TSHZ2: variants seen among roughly 807,000 people sequenced by gnomAD.
TSHZ2 encodes the protein teashirt zinc finger homeobox 2.
In TSHZ2, 21 loss-of-function variants were observed where a neutral mutation model predicts 74.4. That is an observed-to-expected ratio of 0.28 (90% CI 0.20 to 0.41). The LOEUF is 0.41. TSHZ2 is among the 10% of genes least tolerant of loss of function. The pLI, the probability that TSHZ2 is intolerant of heterozygous loss-of-function variation, is 1.00. For missense variants in TSHZ2, 1,244 were observed against 1,293.5 expected (o/e 0.96, Z 0.59); for synonymous variants, 540 against 515.3 (o/e 1.05, Z -0.65).
intron 1 of TSHZ2, among the ~76,000 whole-genome samples, chr20:52,983,199 A>C (rs1044473246): frequency 2.0e-5 from 3 of 152,206 alleles, no homozygotes; most frequent in African/African-American, 7.2e-5. Context: ...CTCAGAAGCA[A>C]GTTTCCTCAC....
Position 53,170,182 on chromosome 20 carries a change from G to A in TSHZ2, c.41-83317G>A, listed in dbSNP as rs143031314. Among the ~76,000 whole-genome samples, 1,436 of 152,202 alleles carry A rather than the reference G, an allele frequency of 9.4e-3. 26 individuals are homozygous for A. Among genetic ancestry groups the A allele is most frequent in the African/African-American group, 0.032 (1,334 of 41,520 alleles). The stretch of plus-strand genomic sequence containing the variant: ...CCCCAAAGTCTAGACTTTGTCTTTC[G>A]ATTACACTGCTTTTCTAGGGCTATG... On this transcript the variant is annotated intron_variant, in intron 1 of 2. Transcript: ENST00000371497.
intron 1 of TSHZ2, among the ~76,000 whole-genome samples, chr20:53,055,902 G>A (rs1361458940): frequency 6.6e-6 from 1 of 152,180 alleles, no homozygotes; most frequent in Non-Finnish European, 1.5e-5. Context: ...CAGGAGACTT[G>A]AGCAGTTGCA....
intron 2 of TSHZ2, among the ~76,000 whole-genome samples, chr20:53,346,969 G>C (rs78388454): frequency 0.034 from 5,208 of 152,224 alleles, 325 homozygotes; most frequent in African/African-American, 0.12. Context: ...GAGTGTCCCA[G>C]TTCTCACAGG....
chr20:53,161,241 G>A (rs528724259), intron 1 of TSHZ2, among the ~76,000 whole-genome samples: 7 of 151,628 alleles, frequency 4.6e-5, no homozygotes, highest in South Asian at 2.1e-4. Flanking sequence ...GAATGTCTGC[G>A]GAATGAGTGT....
intron 1 of TSHZ2, among the ~76,000 whole-genome samples, chr20:53,066,326 G>A (rs906045480): frequency 6.6e-6 from 1 of 152,112 alleles, no homozygotes; most frequent in Non-Finnish European, 1.5e-5. Context: ...CTGCTTCTCC[G>A]CTCCGAGTCT....
chr20:53,179,955 G>A (rs771609999), intron 1 of TSHZ2, among the ~76,000 whole-genome samples: 38 of 152,176 alleles, frequency 2.5e-4, no homozygotes, highest in Non-Finnish European at 5.0e-4. Flanking sequence ...AAGATCACGT[G>A]ATGTTCAGAA....
At chr20:53,387,879 T>C (rs2145652122) in intron 2 of TSHZ2, among the ~76,000 whole-genome samples, 1 of 152,176 alleles carries the variant, frequency 6.6e-6, no homozygotes, top group Middle Eastern at 3.4e-3. Context: ...AAACCCTATC[T>C]CTACTAAAAT....
At chr20:53,372,198 C>G (rs1240143890) in intron 2 of TSHZ2, among the ~76,000 whole-genome samples, 1 of 152,068 alleles carries the variant, frequency 6.6e-6, no homozygotes, top group African/African-American at 2.4e-5. Flanking sequence ...CAGTTCAGGC[C>G]GAGTGCAGTG....
At chr20:53,267,474 G>A (rs1190532447) in intron 2 of TSHZ2, among the ~76,000 whole-genome samples, 1 of 152,222 alleles carries the variant, frequency 6.6e-6, no homozygotes, top group African/African-American at 2.4e-5. Context: ...CACAGGATGG[G>A]TGATAGTCAT....
chr20:53,450,954 C>CAGTCTCAG (rs1984755936), intron 2 of TSHZ2, among the ~76,000 whole-genome samples: 1 of 152,002 alleles, frequency 6.6e-6, no homozygotes, highest in Admixed American at 6.6e-5. Flanking sequence ...TACTACTTTC[C>CAGTCTCAG]AGTCTCAGAA....
At chr20:53,392,274 A>G (rs961792646) in intron 2 of TSHZ2, among the ~76,000 whole-genome samples, 1 of 152,122 alleles carries the variant, frequency 6.6e-6, no homozygotes, top group African/African-American at 2.4e-5. Context: ...GTGAAACCCC[A>G]TCTCTACTAA....
At chr20:53,112,436 A>T (rs1479197809) in intron 1 of TSHZ2, among the ~76,000 whole-genome samples, 1 of 152,116 alleles carries the variant, frequency 6.6e-6, no homozygotes, top group Non-Finnish European at 1.5e-5. Flanking sequence ...CTGCCCCTTC[A>T]CTTGTCTTCT....
Position 53,463,107 on chromosome 20 carries a change from G to A in TSHZ2, c.*9-24037G>A, listed in dbSNP as rs535072791. 1.1e-4 allele frequency among the ~76,000 whole-genome samples: 17 copies of A among 152,308 alleles called. No homozygotes were observed. The South Asian group carries it at 2.9e-3, about 26-fold the overall frequency. On this transcript the variant is annotated intron_variant, in intron 2 of 2. Transcript: ENST00000371497. The stretch of plus-strand genomic sequence containing the variant: ...CAGAGCCCAGGGACTCAAAGGTCTT[G>A]TACAACTAGACCACTTTGGCTCTGG...
At chr20:53,097,939 C>T (rs1986101862) in intron 1 of TSHZ2, 2 of 152,276 alleles carry the variant, frequency 1.3e-5, no homozygotes, top group South Asian at 2.1e-4. Context: ...AATAGTGTGG[C>T]GTTTTAGATA....
intron 1 of TSHZ2, among the ~76,000 whole-genome samples, chr20:53,014,766 G>A (rs1982976117): frequency 6.6e-6 from 1 of 152,054 alleles, no homozygotes; most frequent in Admixed American, 6.6e-5. Context: ...ACCTCTCAAG[G>A]TCAGGGACAG....
chr20:53,288,329 G>A (rs1202312902), intron 2 of TSHZ2, among the ~76,000 whole-genome samples: 2 of 150,388 alleles, frequency 1.3e-5, no homozygotes, highest in Non-Finnish European at 3.0e-5. Context: ...GCTTGAACCC[G>A]GGAGGTGGAG....
intron 1 of TSHZ2, among the ~76,000 whole-genome samples, chr20:52,978,583 A>G (rs1267799168): frequency 6.6e-6 from 1 of 152,152 alleles, no homozygotes; most frequent in East Asian, 1.9e-4. Context: ...TTTTCGTTTG[A>G]TGCAAAGTCA....
intron 2 of TSHZ2, among the ~76,000 whole-genome samples, chr20:53,429,947 T>C (rs886635890): frequency 1.3e-5 from 2 of 152,140 alleles, no homozygotes; most frequent in Non-Finnish European, 2.9e-5. Context: ...TTGGTCCTCA[T>C]CTGCTGGATG....
At chr20:53,339,452 G>A (rs74846127) in intron 2 of TSHZ2, among the ~76,000 whole-genome samples, 1,798 of 152,290 alleles carry the variant, frequency 0.012, 38 homozygotes, top group African/African-American at 0.037. Context: ...TCATCATGGC[G>A]TATTCTGCCC....
Sources: gnomAD v4.1 joint callset for allele counts (sites outside exome capture counted in the v4.1 genomes callset) on GRCh38, gnomAD v4.1.1 for gene constraint, MANE v1.5 for transcripts, NCBI Gene and HGNC (gene_info 2026-07-23, HGNC 2026-07-21) for gene names.